Variants in HECW1 observed in about 807,000 individuals in gnomAD.
HECW1 encodes the protein E3 ubiquitin-protein ligase HECW1.
A neutral mutation model predicts 182.3 loss-of-function variants in HECW1; 61 were observed. That is an observed-to-expected ratio of 0.33 (90% CI 0.27 to 0.41). HECW1 has a LOEUF of 0.41. HECW1 is among the 10% of genes least tolerant of loss of function. HECW1 has a pLI of 1.00. For missense variants in HECW1, 1,739 were observed against 2,108.9 expected, an observed-to-expected ratio of 0.82 and a Z score of 3.44; for synonymous variants, 859 against 832.6, an observed-to-expected ratio of 1.03 and a Z score of -0.55.
intron 3 of HECW1, among the ~76,000 whole-genome samples, chr7:43,281,075 A>G (rs1354709203): frequency 2.0e-5 from 3 of 152,070 alleles, no homozygotes; most frequent in African/African-American, 7.2e-5. Flanking sequence ...GGGGGAGTGG[A>G]GGTGAGGCGA....
In HECW1 at chr7:43,444,839, C is replaced by G. The variant is rs763270438; in HGVS notation, c.1667C>G (p.Pro556Arg). The change falls in exon 11 of 30, where the codon CCG becomes CGG. Residue 556 changes from proline (P) to arginine (R), a missense_variant. Transcript: ENST00000395891. This position sits in a 1 kb window ranked among gnomAD's most constrained non-coding sequence, Gnocchi z 4.3. ...IASACGDPET[P>R]RTHYIRIHTL... ...TCAGCCTGCGGGGACCCCGAGACCC[C>G]GCGGACACACTACATCCGCATCCAC... 1.2e-6 allele frequency: 2 copies of G among 1,613,704 alleles called. No homozygotes were observed. The highest frequency in any genetic ancestry group is 1.7e-6 in the Non-Finnish European group (2 of 1,179,966).
chr7:43,253,468 G>A (rs1344679016), intron 3 of HECW1, among the ~76,000 whole-genome samples: 1 of 152,160 alleles, frequency 6.6e-6, no homozygotes, highest in Non-Finnish European at 1.5e-5. Flanking sequence ...GTACACATCT[G>A]TTTAGAAGCC....
chr7:43,164,511 G>A (rs753747100), intron 2 of HECW1, among the ~76,000 whole-genome samples: 1 of 152,184 alleles, frequency 6.6e-6, no homozygotes, highest in Non-Finnish European at 1.5e-5. Flanking sequence ...CATCTGTGCT[G>A]TGTGCCCAGA....
In HECW1 at chr7:43,508,757, A is replaced by G; in HGVS notation, c.3867-212A>G. 4 of 564,110 alleles carry G rather than the reference A, an allele frequency of 7.1e-6. No individual in the cohort carries two copies. In the South Asian group the frequency reaches 1.0e-4, roughly 14 times the overall value. 34.9% of individuals were successfully genotyped at this position (564,110 alleles called of 1,614,324 possible). ...CTGCCATAAGAGTTTATTCATGGAC[A>G]TCTGGTTAAGAAACATCTCCAAACC... On this transcript the variant is annotated intron_variant, in intron 23 of 29. Coordinates refer to ENST00000395891, the MANE Select transcript of HECW1 (RefSeq NM_015052.5).
chr7:43,244,309 T>C (rs892931160), intron 3 of HECW1, among the ~76,000 whole-genome samples: 2 of 152,218 alleles, frequency 1.3e-5, no homozygotes, highest in African/African-American at 4.8e-5. Context: ...GAAATAGGCC[T>C]TGAGACAAGA....
At chr7:43,314,264 G>C (rs548734080) in intron 4 of HECW1, among the ~76,000 whole-genome samples, 1 of 152,238 alleles carries the variant, frequency 6.6e-6, no homozygotes, top group Non-Finnish European at 1.5e-5. Context: ...GAACACCTGA[G>C]GGACGTGCGT....
At chr7:43,375,081 C>T (rs944042290) in intron 6 of HECW1, among the ~76,000 whole-genome samples, 1 of 152,096 alleles carries the variant, frequency 6.6e-6, no homozygotes, top group Non-Finnish European at 1.5e-5. Flanking sequence ...ATGTTAAGAA[C>T]ATTGTGAAAT....
intron 17 of HECW1, among the ~76,000 whole-genome samples, chr7:43,481,072 C>T (rs1457009953): frequency 2.0e-5 from 3 of 152,040 alleles, no homozygotes; most frequent in Non-Finnish European, 4.4e-5. Context: ...TTTCTTTCTT[C>T]ATATATATAA....
intron 16 of HECW1, among the ~76,000 whole-genome samples, chr7:43,472,008 G>C (rs1204062928): frequency 6.6e-6 from 1 of 152,042 alleles, no homozygotes; most frequent in African/African-American, 2.4e-5. Flanking sequence ...TTAACTAAGA[G>C]GAAAAAGCCG....
intron 2 of HECW1, among the ~76,000 whole-genome samples, chr7:43,144,965 TG>T (rs1788544230): frequency 6.6e-6 from 1 of 152,214 alleles, no homozygotes; most frequent in Non-Finnish European, 1.5e-5. Flanking sequence ...GACAAATCAG[TG>T]GATAATTATA....
rs2076556227 is a variant in HECW1 at position 43,431,814 on chromosome 7, C to T, written c.802-6189C>T. Reference sequence around the variant, plus strand: ...ACTCATGTACTCTGTGAACTTCAGCCCCTGCCCATGGCACCCCTCTACCTG... The same window carrying T: ...ACTCATGTACTCTGTGAACTTCAGCTCCTGCCCATGGCACCCCTCTACCTG... On this transcript the variant is annotated intron_variant, in intron 8 of 29. Transcript: ENST00000395891. Among the ~76,000 whole-genome samples, 2 of 152,142 alleles carry T rather than the reference C, an allele frequency of 1.3e-5. 1 individual carries two copies. The highest frequency in any genetic ancestry group is 4.2e-4 in the South Asian group (2 of 4,816).
intron 2 of HECW1, among the ~76,000 whole-genome samples, chr7:43,184,235 G>C (rs1353290836): frequency 1.3e-5 from 2 of 152,040 alleles, no homozygotes; most frequent in African/African-American, 4.8e-5. Context: ...GGATGATCTC[G>C]ATCTCCTGAC....
chr7:43,491,031 G>C (rs921833626), intron 17 of HECW1, among the ~76,000 whole-genome samples: 1 of 152,192 alleles, frequency 6.6e-6, no homozygotes, highest in Non-Finnish European at 1.5e-5. Flanking sequence ...GGGATTACAG[G>C]TGTGAGCCAC....
intron 2 of HECW1, among the ~76,000 whole-genome samples, chr7:43,173,871 T>A (rs529485816): frequency 7.3e-4 from 109 of 150,010 alleles, no homozygotes; most frequent in African/African-American, 2.5e-3. Flanking sequence ...GGAGACAGGG[T>A]ATCACTCTGT....
intron 3 of HECW1, among the ~76,000 whole-genome samples, chr7:43,282,908 A>G (rs1259798159): frequency 2.0e-5 from 3 of 152,158 alleles, no homozygotes; most frequent in Non-Finnish European, 4.4e-5. Flanking sequence ...ACCTGAGGTC[A>G]AGAGTTCGAG....
intron 6 of HECW1, among the ~76,000 whole-genome samples, chr7:43,370,887 TC>T (rs143956368): frequency 6.6e-6 from 1 of 150,894 alleles, no homozygotes; most frequent in Non-Finnish European, 1.5e-5. Context: ...GCAATGATAT[TC>T]TTTTTTTTTT....
intron 14 of HECW1, among the ~76,000 whole-genome samples, chr7:43,465,928 A>C (rs936744043): frequency 1.3e-5 from 2 of 150,220 alleles, no homozygotes; most frequent in Non-Finnish European, 3.0e-5. Context: ...AGAAAGAAAG[A>C]AGAAAGGAAG....
intron 2 of HECW1, among the ~76,000 whole-genome samples, chr7:43,178,049 A>T (rs1792431667): frequency 6.6e-6 from 1 of 152,154 alleles, no homozygotes; most frequent in Non-Finnish European, 1.5e-5. Context: ...TCGCTCTGTC[A>T]CCCAGGCTGG....
At chr7:43,328,283 G>A (rs1489079058) in intron 5 of HECW1, among the ~76,000 whole-genome samples, 1 of 151,846 alleles carries the variant, frequency 6.6e-6, no homozygotes, top group African/African-American at 2.4e-5. Flanking sequence ...GAGCTATGGA[G>A]CAAGACCTTG....
Sources: allele counts gnomAD v4.1 joint callset (sites outside exome capture counted in the v4.1 genomes callset), GRCh38; gene constraint gnomAD v4.1.1; non-coding constraint Gnocchi (gnomAD v3.1); transcripts MANE v1.5; gene names NCBI Gene and HGNC (gene_info 2026-07-23, HGNC 2026-07-21).